ZBTB7C: variants seen among roughly 807,000 people sequenced by gnomAD.
ZBTB7C encodes zinc finger and BTB domain containing 7C, also known as zinc finger and BTB domain-containing protein 7C.
ZBTB7C carries 8 observed loss-of-function variants against 25.7 expected under a neutral mutation model. The ratio of observed to expected loss-of-function variants is 0.31; its 90% CI spans 0.18 to 0.56. ZBTB7C has a LOEUF of 0.56. ZBTB7C is among the 20% of genes least tolerant of loss of function. The pLI is 0.91. For missense variants in ZBTB7C, 824 were observed against 855.2 expected (o/e 0.96, Z 0.46); for synonymous variants, 394 against 369.0 (o/e 1.07, Z -0.78).
chr18:48,043,515 A>G (rs75181977), intron 3 of ZBTB7C, among the ~76,000 whole-genome samples: 13,250 of 152,268 alleles, frequency 0.087, 644 homozygotes, highest in Admixed American at 0.13. Flanking sequence ...TTCCATTTAT[A>G]TAACATTCTT....
At chr18:48,196,909 C>T (rs1444672413) in intron 2 of ZBTB7C, among the ~76,000 whole-genome samples, 2 of 152,196 alleles carry the variant, frequency 1.3e-5, no homozygotes, top group Non-Finnish European at 2.9e-5. Context: ...TTTCATTCTG[C>T]CTTCCTCTTG....
At chr18:48,057,470 C>T (rs2036963419) in intron 3 of ZBTB7C, among the ~76,000 whole-genome samples, 1 of 152,006 alleles carries the variant, frequency 6.6e-6, no homozygotes, top group African/African-American at 2.4e-5. Context: ...TGCATGGTTA[C>T]CAGGTTTAGA....
intron 2 of ZBTB7C, among the ~76,000 whole-genome samples, chr18:48,311,316 T>C (rs1298728170): frequency 6.6e-6 from 1 of 152,142 alleles, no homozygotes; most frequent in Non-Finnish European, 1.5e-5. Flanking sequence ...CCATCGCAAG[T>C]GCTTAGTAAA....
At chr18:48,411,523 T>A (rs965180917), upstream of ZBTB7C, among the ~76,000 whole-genome samples, 9 of 152,230 alleles carry the variant, frequency 5.9e-5, no homozygotes, top group African/African-American at 1.9e-4. Flanking sequence ...TTCAGTTACT[T>A]GGAATGCTGC....
chr18:48,196,762 A>G (rs1006407526), intron 2 of ZBTB7C, among the ~76,000 whole-genome samples: 1 of 152,192 alleles, frequency 6.6e-6, no homozygotes, highest in Admixed American at 6.5e-5. Context: ...CATCAAATCA[A>G]TGAACCACCC....
chr18:48,237,850 A>G (rs1171144781), intron 2 of ZBTB7C, among the ~76,000 whole-genome samples: 7 of 152,220 alleles, frequency 4.6e-5, no homozygotes, highest in Non-Finnish European at 7.4e-5. Context: ...CCAATCAGTA[A>G]TGGAAATACT....
chr18:48,057,100 AATAAAT>A (rs991455488), intron 3 of ZBTB7C, among the ~76,000 whole-genome samples: 17 of 151,770 alleles, frequency 1.1e-4, no homozygotes, highest in Non-Finnish European at 1.9e-4. Context: ...ATCATAGAAA[AATAAAT>A]ATAAATAGCT....
At chr18:48,230,479 C>T (rs1390102040) in intron 2 of ZBTB7C, among the ~76,000 whole-genome samples, 6 of 152,214 alleles carry the variant, frequency 3.9e-5, no homozygotes, top group African/African-American at 1.2e-4. Flanking sequence ...TAAAATGATG[C>T]CTATGGGATC....
chr18:48,118,888 T>C (rs1232052838), intron 3 of ZBTB7C, among the ~76,000 whole-genome samples: 1 of 152,228 alleles, frequency 6.6e-6, no homozygotes, highest in Non-Finnish European at 1.5e-5. Flanking sequence ...TTCTTTTTTG[T>C]CTTTCTGCCT....
intron 3 of ZBTB7C, chr18:48,136,880 T>C: frequency 2.4e-6 from 2 of 829,032 alleles, no homozygotes; most frequent in Non-Finnish European, 2.9e-6. Flanking sequence ...GTAGCGAGAA[T>C]GCCCGCAGCG....
intron 3 of ZBTB7C, among the ~76,000 whole-genome samples, chr18:48,093,659 C>G (rs1367242640): frequency 1.3e-5 from 2 of 152,056 alleles, no homozygotes; most frequent in African/African-American, 4.8e-5. Flanking sequence ...GATGTAACCA[C>G]AGGAGTTCAT....
intron 2 of ZBTB7C, among the ~76,000 whole-genome samples, chr18:48,287,947 A>G (rs565348173): frequency 1.3e-5 from 2 of 152,348 alleles, no homozygotes; most frequent in East Asian, 1.9e-4. Flanking sequence ...TGCAGCTACT[A>G]TGAAACTTAA....
intron 2 of ZBTB7C, among the ~76,000 whole-genome samples, chr18:48,189,899 G>C (rs1413828974): frequency 5.3e-5 from 8 of 152,214 alleles, no homozygotes; most frequent in African/African-American, 1.7e-4. Flanking sequence ...AGCCAGTGCT[G>C]TCTGTCAAGG....
chr18:48,086,096 T>C (rs1192313048), intron 3 of ZBTB7C, among the ~76,000 whole-genome samples: 2 of 152,200 alleles, frequency 1.3e-5, no homozygotes, highest in Admixed American at 6.5e-5. Flanking sequence ...ACCTTCGTCA[T>C]GAAGGACAGT....
chr18:48,062,484 T>C (rs918210796), intron 3 of ZBTB7C, among the ~76,000 whole-genome samples: 1 of 152,264 alleles, frequency 6.6e-6, no homozygotes, highest in Non-Finnish European at 1.5e-5. Context: ...TTTAATTTCA[T>C]GCATCTTCTC....
intron 3 of ZBTB7C, among the ~76,000 whole-genome samples, chr18:48,075,394 T>G (rs1443727582): frequency 6.6e-6 from 1 of 152,100 alleles, no homozygotes; most frequent in African/African-American, 2.4e-5. Context: ...CAGTGCCCAA[T>G]AAGGAGAAGC....
At chr18:48,388,414 T>G (rs931781030) in intron 1 of ZBTB7C, among the ~76,000 whole-genome samples, 3 of 152,218 alleles carry the variant, frequency 2.0e-5, no homozygotes, top group Non-Finnish European at 4.4e-5. Flanking sequence ...TCCCGCAGAC[T>G]TCCCCACAGC....
intron 1 of ZBTB7C, among the ~76,000 whole-genome samples, chr18:48,338,956 T>C (rs2046527067): frequency 6.6e-6 from 1 of 151,304 alleles, no homozygotes; most frequent in Non-Finnish European, 1.5e-5. Flanking sequence ...TGGCTGATGA[T>C]GAACATCTTT....
intron 3 of ZBTB7C, among the ~76,000 whole-genome samples, chr18:48,182,120 A>G (rs1158003658): frequency 1.3e-5 from 2 of 152,182 alleles, no homozygotes; most frequent in Non-Finnish European, 2.9e-5. Flanking sequence ...ATCTGGTTGC[A>G]GGTTGAGGAA....
Sources: allele counts gnomAD v4.1 joint callset (sites outside exome capture counted in the v4.1 genomes callset), GRCh38; gene constraint gnomAD v4.1.1; transcripts MANE v1.5; gene names NCBI Gene and HGNC (gene_info 2026-07-23, HGNC 2026-07-21).